TRAF3IP1: variants seen among roughly 807,000 people sequenced by gnomAD.
TRAF3IP1 encodes the protein TRAF3-interacting protein 1.
Under a neutral mutation model 89.9 loss-of-function variants are expected in TRAF3IP1, and 53 were observed. The ratio of observed to expected loss-of-function variants is 0.59; its 90% CI spans 0.47 to 0.74. TRAF3IP1 has a LOEUF of 0.74. Among genes scored for constraint, TRAF3IP1 ranks in the 30% least tolerant of loss-of-function variants. The probability of loss-of-function intolerance (pLI) is 0.00; values close to 1 mark genes in which losing one functional copy is unlikely to be tolerated. For synonymous variants in TRAF3IP1, 311 were observed against 322.1 expected, an observed-to-expected ratio of 0.97 and a Z score of 0.37; for missense variants, 806 against 866.1, an observed-to-expected ratio of 0.93 and a Z score of 0.87.
intron 15 of TRAF3IP1, among the ~76,000 whole-genome samples, chr2:238,380,269 C>T (rs903047168): frequency 1.3e-5 from 2 of 152,162 alleles, no homozygotes; most frequent in African/African-American, 4.8e-5. Context: ...TCCAGCTTCT[C>T]AGAGGGCCTC....
chr2:238,382,837 C>T (rs112547337), intron 15 of TRAF3IP1, among the ~76,000 whole-genome samples: 1 of 150,894 alleles, frequency 6.6e-6, no homozygotes, highest in African/African-American at 2.4e-5. Flanking sequence ...CTCCTGCCTT[C>T]ATCAGTTCCC....
Position 238,341,550 on chromosome 2 carries a change from A to ATTTT in TRAF3IP1, c.1160-2947_1160-2946insTTTT, listed in dbSNP as rs1476448345. 6.6e-3 allele frequency among the ~76,000 whole-genome samples: 969 copies of ATTTT among 147,398 alleles called. 10 individuals are homozygous for ATTTT. The highest frequency in any genetic ancestry group is 0.023 in the African/African-American group (895 of 38,388). ...TTCTATTCTTTTTTTTTTTTTTAAAAAAAAAACACTGGCTATTTGATGACA... is the reference window on the plus strand; with the variant it reads ...TTCTATTCTTTTTTTTTTTTTTAAAATTTTAAAAAACACTGGCTATTTGATGACA... On this transcript the variant is annotated intron_variant, in intron 8 of 16. Transcript: ENST00000373327.
In TRAF3IP1 at chr2:238,320,539, A is replaced by G. The variant is rs1201375780; in HGVS notation, c.-124A>G. On this transcript the variant is annotated 5_prime_UTR_variant, in exon 1 of 17. Transcript: ENST00000373327. ...CGGTGCACTGTGGGATGGAAACCGG[A>G]GCGGCGCGTCCTGGCAGGACCGGGC... The G allele has an allele frequency of 9.8e-6, 10 of 1,018,448 alleles. No homozygotes were observed. Among genetic ancestry groups the G allele is most frequent in the South Asian group, 8.9e-5 (2 of 22,450 alleles). The allele number at this position is 1,018,448 out of a possible 1,614,324, so 63.1% of individuals were successfully genotyped here.
intron 15 of TRAF3IP1, among the ~76,000 whole-genome samples, chr2:238,374,716 CTT>C (rs1240575646): frequency 6.6e-6 from 1 of 152,194 alleles, no homozygotes; most frequent in African/African-American, 2.4e-5. Context: ...ACCAGCTCCT[CTT>C]TGTACCTCTG....
intron 16 of TRAF3IP1, 118 bp from the exon 17 acceptor site, chr2:238,398,636 A>T (rs1701347506): frequency 1.7e-6 from 2 of 1,183,684 alleles, no homozygotes; most frequent in South Asian, 2.0e-5. Flanking sequence ...AATAAATATT[A>T]TCCTTTTCTT....
In TRAF3IP1 at chr2:238,351,834, GGTGTGTGTGTGTGTGT is replaced by G. The variant is rs10527993; in HGVS notation, c.1452-975_1452-960del. Among the ~76,000 whole-genome samples, 15 of 140,962 alleles carry G rather than the reference GGTGTGTGTGTGTGTGT, an allele frequency of 1.1e-4. No homozygotes were observed. Among genetic ancestry groups the G allele is most frequent in the East Asian group, 6.3e-4 (3 of 4,748 alleles). The allele number at this position is 140,962 out of a possible 152,430, so 92.5% of individuals were successfully genotyped here. A position where few individuals can be genotyped will look rare whatever the true frequency, so the allele number is the denominator to read the frequency against. The stretch of plus-strand genomic sequence containing the variant: ...TGGCACTGAAGCAAGGGAGGATTTT[GGTGTGTGTGTGTGTGT>G]GTGTGTGTGTGTGTGTGCGCGCGCG... On this transcript the variant is annotated intron_variant, in intron 12 of 16. Transcript: ENST00000373327. This position sits in a 1 kb window ranked among gnomAD's most constrained non-coding sequence, Gnocchi z 5.2.
chr2:238,400,322 C>T lies in TRAF3IP1; in HGVS notation c.*1403C>T, dbSNP rs991044805. The T allele has an allele frequency of 1.3e-5, 2 of 152,248 alleles. No individual in the cohort carries two copies. The highest frequency in any genetic ancestry group is 4.8e-5 in the African/African-American group (2 of 41,444). The allele number at this position is 152,248 out of a possible 1,614,324, so 9.4% of individuals were successfully genotyped here. On this transcript the variant is annotated 3_prime_UTR_variant, in exon 17 of 17. Coordinates refer to ENST00000373327, the MANE Select transcript of TRAF3IP1 (RefSeq NM_015650.4). ...TGTTGACCAGGATGGTCTCCACCTC[C>T]TGACCTCGTGATCCGCCTGCCTCGG...
chr2:238,389,575 C>T (rs1700911291), intron 15 of TRAF3IP1, among the ~76,000 whole-genome samples: 1 of 151,896 alleles, frequency 6.6e-6, no homozygotes, highest in Non-Finnish European at 1.5e-5. Flanking sequence ...TGGTGAAACC[C>T]CATCTCTACT....
At chr2:238,328,617 T>C (rs1697954488) in intron 3 of TRAF3IP1, 69 bp from the exon 4 acceptor site, 5 of 1,524,912 alleles carry the variant, frequency 3.3e-6, no homozygotes, top group Non-Finnish European at 4.5e-6. Context: ...TGAATGGCGA[T>C]GTTCTATTTG....
At chr2:238,329,998 T>G (rs917862659) in intron 5 of TRAF3IP1, among the ~76,000 whole-genome samples, 4 of 152,228 alleles carry the variant, frequency 2.6e-5, no homozygotes, top group Non-Finnish European at 5.9e-5. Flanking sequence ...TGAGCTGATT[T>G]GCCAAGTTGC....
At chr2:238,363,251 C>T (rs1272535759) in intron 15 of TRAF3IP1, among the ~76,000 whole-genome samples, 1 of 152,164 alleles carries the variant, frequency 6.6e-6, no homozygotes, top group East Asian at 1.9e-4. Flanking sequence ...TTGAATAAAG[C>T]ACACAGCTCC....
At chr2:238,371,164 A>G (rs1184862094) in intron 15 of TRAF3IP1, among the ~76,000 whole-genome samples, 1 of 152,218 alleles carries the variant, frequency 6.6e-6, no homozygotes, top group Non-Finnish European at 1.5e-5. Context: ...TACTTTTCGT[A>G]AAGAGCGTGA....
At chr2:238,370,062 G>A (rs1431874876) in intron 15 of TRAF3IP1, among the ~76,000 whole-genome samples, 2 of 152,136 alleles carry the variant, frequency 1.3e-5, no homozygotes, top group African/African-American at 4.8e-5. Flanking sequence ...AGGAGACCTG[G>A]GTCCTTTGAT....
intron 7 of TRAF3IP1, among the ~76,000 whole-genome samples, chr2:238,337,438 C>T (rs1698438253): frequency 6.6e-6 from 1 of 152,168 alleles, no homozygotes; most frequent in Non-Finnish European, 1.5e-5. Flanking sequence ...TGTTCCCGGT[C>T]CACAGCAGCT....
chr2:238,340,357 C>T lies in TRAF3IP1; in HGVS notation c.1159+1900C>T, dbSNP rs184541855. The stretch of plus-strand genomic sequence containing the variant: ...ACAGTACCTTTCCTTCTTAGTGCTT[C>T]GAAGAAAAGTCCATGTTGTCAAAGC... On this transcript the variant is annotated intron_variant, in intron 8 of 16. Transcript: ENST00000373327. Among the ~76,000 whole-genome samples, 618 of 152,256 alleles carry T rather than the reference C, an allele frequency of 4.1e-3. 4 individuals carry two copies. Among genetic ancestry groups the T allele is most frequent in the African/African-American group, 0.014 (595 of 41,524 alleles).
chr2:238,393,583 C>A (rs1368868741), intron 15 of TRAF3IP1, among the ~76,000 whole-genome samples: 1 of 152,176 alleles, frequency 6.6e-6, no homozygotes, highest in Non-Finnish European at 1.5e-5. Context: ...AGTCCTAGAT[C>A]CCAAAGACTT....
At chr2:238,383,606 A>G (rs1194231408) in intron 15 of TRAF3IP1, among the ~76,000 whole-genome samples, 2 of 152,164 alleles carry the variant, frequency 1.3e-5, no homozygotes, top group South Asian at 2.1e-4. Flanking sequence ...GCACCTCTCT[A>G]ACGTTTCCTA....
chr2:238,352,462 T>G (rs534305175), intron 12 of TRAF3IP1, among the ~76,000 whole-genome samples: 8 of 152,190 alleles, frequency 5.3e-5, no homozygotes, highest in Admixed American at 2.0e-4. Context: ...GGTGAAGGGC[T>G]GGTGTCACTG....
intron 8 of TRAF3IP1, among the ~76,000 whole-genome samples, chr2:238,340,645 G>T (rs1172246942): frequency 6.6e-6 from 1 of 152,046 alleles, no homozygotes; most frequent in Non-Finnish European, 1.5e-5. Flanking sequence ...ATTAAGTCAG[G>T]TCTTTATTTT....
Sources: allele counts gnomAD v4.1 joint callset (sites outside exome capture counted in the v4.1 genomes callset), GRCh38; gene constraint gnomAD v4.1.1; non-coding constraint Gnocchi (gnomAD v3.1); transcripts MANE v1.5; gene names NCBI Gene and HGNC (gene_info 2026-07-23, HGNC 2026-07-21).